FEZ2: variants seen among roughly 807,000 people sequenced by gnomAD.
FEZ2 encodes fasciculation and elongation protein zeta-2.
In FEZ2, 51 loss-of-function variants were observed where a neutral mutation model predicts 40.4. The observed-to-expected ratio is 1.26, with a 90% confidence interval of 1.01 to 1.59. The LOEUF (loss-of-function observed/expected upper bound fraction) is 1.59. Ranked by LOEUF, FEZ2 falls within the 40% of genes most tolerant of loss-of-function variation. The pLI, the probability that FEZ2 is intolerant of heterozygous loss-of-function variation, is 0.00. For synonymous variants in FEZ2, 242 were observed against 172.0 expected (o/e 1.41, Z -3.18); for missense variants, 640 against 438.3 (o/e 1.46, Z -4.11).
intron 1 of FEZ2, among the ~76,000 whole-genome samples, chr2:36,591,843 T>A (rs1425530048): frequency 6.6e-6 from 1 of 152,154 alleles, no homozygotes; most frequent in Non-Finnish European, 1.5e-5. Context: ...TCCTCTGCCC[T>A]TCTATAAATG....
intron 1 of FEZ2, among the ~76,000 whole-genome samples, chr2:36,597,563 CCCCAGGAGGTG>C (rs869263074): frequency 2.0e-5 from 3 of 151,962 alleles, no homozygotes; most frequent in African/African-American, 7.3e-5. Flanking sequence ...CCAGGAGGTG[CCCCAGGAGGTG>C]CCGTCTCTAA....
chr2:36,575,931 T>G (rs1668557435), intron 5 of FEZ2, among the ~76,000 whole-genome samples: 1 of 151,908 alleles, frequency 6.6e-6, no homozygotes, highest in African/African-American at 2.4e-5. Flanking sequence ...AACGAAAAAC[T>G]TCAAGTCCTG....
At chr2:36,557,700 T>A (rs1409311611) in intron 6 of FEZ2, 1 of 152,204 alleles carries the variant, frequency 6.6e-6, no homozygotes, top group African/African-American at 2.4e-5. Context: ...ACAAATATTT[T>A]TTATCCTAGT....
intron 3 of FEZ2, among the ~76,000 whole-genome samples, chr2:36,582,869 T>C (rs1668792159): frequency 6.6e-6 from 1 of 152,210 alleles, no homozygotes; most frequent in South Asian, 2.1e-4. Context: ...CTGATTCGAC[T>C]GGTTTTAAGT....
intron 2 of FEZ2, chr2:36,590,253 A>G (rs1669027781): frequency 1.3e-5 from 2 of 152,246 alleles, no homozygotes; most frequent in Admixed American, 1.3e-4. Flanking sequence ...ACAACATATC[A>G]TGTCTAGCAG....
chr2:36,558,822 A>C (rs1406101936), intron 5 of FEZ2: 1 of 196,472 alleles, frequency 5.1e-6, no homozygotes, highest in Non-Finnish European at 1.0e-5. Context: ...TCATTTTTAA[A>C]GTGAAGTATT....
At chr2:36,592,969 G>T (rs150798139) in intron 1 of FEZ2, among the ~76,000 whole-genome samples, 16 of 152,328 alleles carry the variant, frequency 1.1e-4, no homozygotes, top group African/African-American at 1.7e-4. Flanking sequence ...TCTAATGCCA[G>T]TGAAGTAGAA....
intron 2 of FEZ2, among the ~76,000 whole-genome samples, chr2:36,585,068 T>A (rs570351212): frequency 9.9e-5 from 15 of 151,742 alleles, no homozygotes; most frequent in African/African-American, 3.6e-4. Flanking sequence ...AAGAACACTG[T>A]GTGGAAAAAA....
At chr2:36,581,568 G>A (rs184640007) in intron 3 of FEZ2, 137 bp from the exon 4 acceptor site, 117 of 693,018 alleles carry the variant, frequency 1.7e-4, no homozygotes, top group Non-Finnish European at 1.0e-4. Flanking sequence ...AGGTGTGGAT[G>A]CTCCAAATAA....
At chr2:36,596,957 G>T (rs934854892) in intron 1 of FEZ2, among the ~76,000 whole-genome samples, 4 of 152,084 alleles carry the variant, frequency 2.6e-5, no homozygotes, top group African/African-American at 7.2e-5. Context: ...GTGCCCTCAG[G>T]AACTCTGCGC....
At chr2:36,564,558 A>C (rs202027354) in intron 5 of FEZ2, among the ~76,000 whole-genome samples, 1 of 152,206 alleles carries the variant, frequency 6.6e-6, no homozygotes, top group East Asian at 1.9e-4. Flanking sequence ...AATGCTGCAG[A>C]TAACTAACAC....
rs994707472 is a variant in FEZ2 at position 36,583,361 on chromosome 2, C to A, written c.484G>T (p.Ala162Ser). 1.3e-6 allele frequency: 2 copies of A among 1,554,986 alleles called. No homozygotes were observed. The highest frequency in any genetic ancestry group is 1.8e-6 in the Non-Finnish European group (2 of 1,126,344). The change falls in exon 3 of 8, where the codon GCA (alanine) becomes TCA (serine). Residue 162 changes from alanine (A) to serine (S), a missense_variant. Physicochemically the swap from Ala to Ser is moderately conservative, Grantham distance 99. Coordinates refer to ENST00000405912, the MANE Select transcript of FEZ2 (RefSeq NM_005102.3). ...SCVNDEPLFT[A>S]DQVIEEIEEM... ...GAGGATCTCCTCTATACCTGGTCTGCCGTGAAGAGGGGTTCATCATTAACA... is the reference window on the plus strand; with the variant it reads ...GAGGATCTCCTCTATACCTGGTCTGACGTGAAGAGGGGTTCATCATTAACA...
chr2:36,581,365 G>C lies in FEZ2; in HGVS notation c.559C>G (p.Gln187Glu). Residue 187 changes from glutamine to glutamate, a missense_variant, in exon 4 of 8, where the codon CAG becomes GAG. Physicochemically the swap from Gln to Glu is conservative, Grantham distance 29. Coordinates refer to ENST00000405912, the MANE Select transcript of FEZ2 (RefSeq NM_005102.3). ...GAAAGCATTGAAAGCCGATCTGACTGTGTAGGGGTTTCATCATCTTCTGGG... is the reference window on the plus strand; with the variant it reads ...GAAAGCATTGAAAGCCGATCTGACTCTGTAGGGGTTTCATCATCTTCTGGG... ...PDPEDDETPT[Q>E]SDRLSMLSQE... 6.2e-7 allele frequency: 1 copy of C among 1,613,068 alleles called. No homozygotes were observed. The highest frequency in any genetic ancestry group is 1.1e-5 in the South Asian group (1 of 91,050).
rs1328080610 is a variant in FEZ2 at position 36,596,416 on chromosome 2, A to G, written c.266+1461T>C. Among the ~76,000 whole-genome samples, 7 of 152,196 alleles carry G rather than the reference A, an allele frequency of 4.6e-5. No homozygotes were observed. In the East Asian group the frequency reaches 1.4e-3, roughly 29 times the overall value. On this transcript the variant is annotated intron_variant, in intron 1 of 7. Transcript: ENST00000405912. The stretch of plus-strand genomic sequence containing the variant: ...CTCAAAAATTCTTCCCTAACCTCTA[A>G]GAGTCTCTCCATCCCATCAATGCTC...
At position 36,552,463 on chromosome 2, in the gene FEZ2, T is replaced by TA; in HGVS notation, c.*699dup. Reference sequence around the variant, plus strand: ...TCAAGCACCTCAGAGGACACACACTTAAAGTACAATTCTTCACAGACACAT... The same window carrying TA: ...TCAAGCACCTCAGAGGACACACACTTAAAAGTACAATTCTTCACAGACACAT... On this transcript the variant is annotated 3_prime_UTR_variant, in exon 8 of 8. Transcript: ENST00000405912. 3.5e-6 allele frequency: 1 copy of TA among 287,426 alleles called. No homozygotes were observed. Among genetic ancestry groups the TA allele is most frequent in the South Asian group, 3.2e-5 (1 of 31,168 alleles). The allele number at this position is 287,426 out of a possible 1,614,324, so 17.8% of individuals were successfully genotyped here.
Position 36,565,300 on chromosome 2 carries a change from C to T in FEZ2, c.904-6787G>A, listed in dbSNP as rs900358340. 5.3e-5 allele frequency among the ~76,000 whole-genome samples: 8 copies of T among 152,276 alleles called. No individual in the cohort carries two copies. The East Asian group carries it at 1.5e-3, about 29-fold the overall frequency. ...CCTTGAAACCACTGAAGTTCTCTTC[C>T]AAAACAGACAAACCCAAACATGTAA... On this transcript the variant is annotated intron_variant, in intron 5 of 7. Transcript: ENST00000405912.
At chr2:36,579,079 G>A (rs1488409390) in intron 4 of FEZ2, 5 of 480,388 alleles carry the variant, frequency 1.0e-5, no homozygotes, top group Non-Finnish European at 1.8e-5. Context: ...GTGGGCAGGT[G>A]AGTCACTTCT....
chr2:36,580,083 T>C (rs1264013169), intron 4 of FEZ2, among the ~76,000 whole-genome samples: 2 of 152,202 alleles, frequency 1.3e-5, no homozygotes, highest in Admixed American at 6.5e-5. Context: ...AACACCTTCA[T>C]CTCAGACTTC....
chr2:36,559,117 T>C (rs1558441121), intron 5 of FEZ2: 1 of 152,210 alleles, frequency 6.6e-6, no homozygotes, highest in African/African-American at 2.4e-5. Context: ...TAAACGTTTT[T>C]AGGCATTAAA....
Sources: gnomAD v4.1 joint callset for allele counts (sites outside exome capture counted in the v4.1 genomes callset) on GRCh38, gnomAD v4.1.1 for gene constraint, MANE v1.5 for transcripts, NCBI Gene and HGNC (gene_info 2026-07-23, HGNC 2026-07-21) for gene names.